Variants in ZNF618 observed in about 807,000 individuals in gnomAD.
The protein encoded by ZNF618 is zinc finger protein 618.
Under a neutral mutation model 103.0 loss-of-function variants are expected in ZNF618, and 34 were observed. The observed-to-expected ratio is 0.33, with a 90% CI of 0.25 to 0.44. The LOEUF (loss-of-function observed/expected upper bound fraction) is 0.44, where lower values mean the gene tolerates loss of function less well. ZNF618 is among the 20% of genes least tolerant of loss of function. ZNF618 has a pLI of 1.00. For missense variants in ZNF618, 1,059 were observed against 1,295.4 expected, an observed-to-expected ratio of 0.82 and a Z score of 2.80; for synonymous variants, 551 against 542.2, an observed-to-expected ratio of 1.02 and a Z score of -0.23.
At chr9:114,007,478 G>A in intron 7 of ZNF618, 39 bp downstream of exon 7, 2 of 1,599,966 alleles carry the variant, frequency 1.3e-6, no homozygotes, top group Non-Finnish European at 1.7e-6. Context: ...CATGCCAAGA[G>A]GCGCCCTTCC....
intron 1 of ZNF618, among the ~76,000 whole-genome samples, chr9:113,881,242 A>G (rs1423678438): frequency 6.6e-6 from 1 of 152,218 alleles, no homozygotes; most frequent in Non-Finnish European, 1.5e-5. Context: ...TAATCAGACA[A>G]AAACACAGTC....
chr9:113,903,574 TG>T (rs1255725430), intron 1 of ZNF618, among the ~76,000 whole-genome samples: 1 of 152,214 alleles, frequency 6.6e-6, no homozygotes, highest in Non-Finnish European at 1.5e-5. Context: ...CCCAGTTTTC[TG>T]GCTGTTATAA....
intron 1 of ZNF618, among the ~76,000 whole-genome samples, chr9:113,968,542 C>T (rs1047582955): frequency 2.6e-5 from 4 of 152,114 alleles, no homozygotes; most frequent in African/African-American, 7.2e-5. Context: ...CTTCAGGTAG[C>T]TCCCTCTGTG....
Position 114,002,071 on chromosome 9 carries a change from G to C in ZNF618, c.509G>C (p.Arg170Pro). The C allele has an allele frequency of 1.9e-6, 3 of 1,612,376 alleles. No homozygotes were observed. Among genetic ancestry groups the C allele is most frequent in the Non-Finnish European group, 2.5e-6 (3 of 1,179,694 alleles). ...TTCCAGACCCACGTGCGGGCGCACC[G>C]AGGTGAGAGGAGTGTCCCTGGGGCA... is the stretch of plus-strand genomic sequence containing the variant. The part of the protein sequence containing the change: ...NCFQTHVRAH[R>P]DTEATSGEGA... The change falls in exon 5 of 15, where the codon CGA (arginine) becomes CCA (proline). Residue 170 changes from arginine to proline, a missense_variant and splice_region_variant. This residue lies in a region of ZNF618 where 434 missense variants were observed against 476.0 expected (regional missense o/e 0.91). Coordinates refer to ENST00000374126, the MANE Select transcript of ZNF618 (RefSeq NM_001318042.2).
intron 1 of ZNF618, among the ~76,000 whole-genome samples, chr9:113,951,512 TGTGTATATGTACAC>T (rs1277545457): frequency 1.6e-5 from 2 of 128,660 alleles, no homozygotes; most frequent in African/African-American, 5.7e-5. Context: ...CACATATATG[TGTGTATATGTACAC>T]ATATGTGTGT....
In ZNF618 at chr9:114,032,700, G is replaced by A. The variant is rs943764790; in HGVS notation, c.1140G>A (p.Glu380=). ...GCAAAGCACAAAACCACTTTGAAGA[G>A]ACGAACAGCAGTTCGCAGAACTCCA... ...VEGKAQNHFE[E]TNSSSQNSSE... is the part of the protein sequence containing the mutation. Residue 380 remains glutamate (E), a synonymous_variant, in exon 12 of 15, where the codon GAG becomes GAA. Transcript: ENST00000374126. 1.2e-6 allele frequency: 2 copies of A among 1,613,958 alleles called. No homozygotes were observed. Among genetic ancestry groups the A allele is most frequent in the African/African-American group, 2.7e-5 (2 of 74,948 alleles).
At chr9:113,910,623 C>A (rs1831447641) in intron 1 of ZNF618, among the ~76,000 whole-genome samples, 1 of 152,150 alleles carries the variant, frequency 6.6e-6, no homozygotes, top group Non-Finnish European at 1.5e-5. Flanking sequence ...ATTTTTACTT[C>A]AGTAATTTGT....
At position 114,018,457 on chromosome 9, in the gene ZNF618, A is replaced by G. The variant is rs540101159; in HGVS notation, c.844+1673A>G. Among the ~76,000 whole-genome samples, 16 of 152,366 alleles carry G rather than the reference A, an allele frequency of 1.1e-4. No individual in the cohort carries two copies. In the South Asian group the frequency reaches 2.5e-3, roughly 24 times the overall value. On this transcript the variant is annotated intron_variant, in intron 10 of 14. Transcript: ENST00000374126. The stretch of plus-strand genomic sequence containing the variant: ...ATGCACTTTCAGTGAGGTGTTAGCT[A>G]CAAGGCCAGACTATAACCTTGAGTT...
chr9:113,883,375 T>G (rs971668868), intron 1 of ZNF618, among the ~76,000 whole-genome samples: 2 of 152,316 alleles, frequency 1.3e-5, no homozygotes, highest in East Asian at 3.9e-4. Flanking sequence ...TTCTTTAAAG[T>G]GGATGGGGGA....
At chr9:113,898,153 T>C (rs1184990580) in intron 1 of ZNF618, among the ~76,000 whole-genome samples, 1 of 152,188 alleles carries the variant, frequency 6.6e-6, no homozygotes, top group Non-Finnish European at 1.5e-5. Flanking sequence ...GAGCTTCTCT[T>C]TCTGTTTCAC....
chr9:113,973,444 G>A (rs1291308969), intron 2 of ZNF618, among the ~76,000 whole-genome samples: 1 of 152,162 alleles, frequency 6.6e-6, no homozygotes, highest in Non-Finnish European at 1.5e-5. Context: ...TCAACAGCAT[G>A]GGCTGCTACG....
intron 1 of ZNF618, among the ~76,000 whole-genome samples, chr9:113,889,339 CTCTCTCTT>C (rs897904453): frequency 5.3e-5 from 8 of 151,016 alleles, no homozygotes; most frequent in African/African-American, 1.9e-4. Context: ...CTCTCTCTCT[CTCTCTCTT>C]TCTCTCCCTC....
chr9:113,920,436 C>T (rs554565288), intron 1 of ZNF618, among the ~76,000 whole-genome samples: 7 of 149,242 alleles, frequency 4.7e-5, no homozygotes, highest in African/African-American at 1.7e-4. Flanking sequence ...TAGTCTCACT[C>T]TGTTGCCCAG....
rs200670745 is a variant in ZNF618 at position 114,049,354 on chromosome 9, G to T, written c.2052G>T (p.Ser684=). Residue 684 remains serine (S), a synonymous_variant, in exon 15 of 15, where the codon TCG becomes TCT. Transcript: ENST00000374126. ...STGLAKETFG[S]LEETSPPPCW... is the part of the protein sequence containing the mutation. ...GCCTGGCCAAGGAGACCTTCGGGTC[G>T]CTGGAGGAGACGTCTCCACCACCCT... 1.3e-5 allele frequency: 21 copies of T among 1,609,298 alleles called. No homozygotes were observed. Among genetic ancestry groups the T allele is most frequent in the Non-Finnish European group, 1.7e-5 (20 of 1,178,494 alleles).
chr9:114,007,288 A>T (rs747897437), intron 6 of ZNF618, 62 bp from the exon 7 acceptor site: 2 of 1,500,228 alleles, frequency 1.3e-6, no homozygotes, highest in East Asian at 4.6e-5. Context: ...ATCTGGCCAG[A>T]AAAACCCCAC....
chr9:113,990,116 C>T (rs1839896685), intron 3 of ZNF618, among the ~76,000 whole-genome samples: 1 of 152,236 alleles, frequency 6.6e-6, no homozygotes. Context: ...CCAGGAATGC[C>T]TTCCCCCATT....
chr9:113,959,287 C>CAA (rs61697954), intron 1 of ZNF618, among the ~76,000 whole-genome samples: 9 of 142,532 alleles, frequency 6.3e-5, no homozygotes, highest in African/African-American at 2.0e-4. Flanking sequence ...AACTCTGTCT[C>CAA]AAAAAAAAAA....
intron 12 of ZNF618, 111 bp downstream of exon 12, chr9:114,032,839 G>A: frequency 1.1e-6 from 1 of 943,772 alleles, no homozygotes; most frequent in Non-Finnish European, 1.7e-6. Context: ...GTGCATTATG[G>A]ATCTTGTTGG....
intron 1 of ZNF618, among the ~76,000 whole-genome samples, chr9:113,892,732 G>T (rs145512353): frequency 2.6e-4 from 40 of 152,176 alleles, no homozygotes; most frequent in Non-Finnish European, 5.4e-4. Flanking sequence ...AGGTTTTGTT[G>T]TACTTAAATG....
Sources: allele counts gnomAD v4.1 joint callset (sites outside exome capture counted in the v4.1 genomes callset), GRCh38; gene constraint gnomAD v4.1.1; regional missense constraint gnomAD v4.1.1; transcripts MANE v1.5; gene names NCBI Gene and HGNC (gene_info 2026-07-23, HGNC 2026-07-21).